The following GTF2E2 variants were observed in gnomAD, a reference collection of about 807,000 sequenced individuals.
GTF2E2 encodes transcription initiation factor IIE subunit beta.
In GTF2E2, 21 loss-of-function variants were observed where a neutral mutation model predicts 40.5. The observed-to-expected ratio is 0.52, with a 90% confidence interval of 0.37 to 0.75. The LOEUF is 0.75. GTF2E2 is among the 30% of genes least tolerant of loss of function. The pLI, the probability that GTF2E2 is intolerant of heterozygous loss-of-function variation, is 0.00. For missense variants in GTF2E2, 298 were observed against 338.4 expected, an observed-to-expected ratio of 0.88 and a Z score of 0.94; for synonymous variants, 117 against 121.6, an observed-to-expected ratio of 0.96 and a Z score of 0.25.
At chr8:30,625,607 CTGT>C (rs1180136687) in intron 3 of GTF2E2, among the ~76,000 whole-genome samples, 1 of 151,970 alleles carries the variant, frequency 6.6e-6, no homozygotes, top group Non-Finnish European at 1.5e-5. Context: ...AGGGCACTGT[CTGT>C]TGTTTTTTGT....
chr8:30,635,150 G>T, intron 2 of GTF2E2, 27 bp from the exon 3 acceptor site: 1 of 1,206,504 alleles, frequency 8.3e-7, no homozygotes, highest in Non-Finnish European at 1.2e-6. Context: ...AAATAACATC[G>T]TCATATTATG....
intron 6 of GTF2E2, among the ~76,000 whole-genome samples, chr8:30,601,453 G>T (rs1159719702): frequency 6.6e-6 from 1 of 152,128 alleles, no homozygotes; most frequent in African/African-American, 2.4e-5. Context: ...AGTTTTGGTT[G>T]TCACACTGCA....
chr8:30,588,252 TGAG>T (rs1410474383), intron 6 of GTF2E2, among the ~76,000 whole-genome samples: 1 of 152,218 alleles, frequency 6.6e-6, no homozygotes, highest in Non-Finnish European at 1.5e-5. Flanking sequence ...CTTAGTATGT[TGAG>T]GAGATGCTTG....
chr8:30,634,874 G>T (rs1801539082), intron 3 of GTF2E2, among the ~76,000 whole-genome samples, 158 bp downstream of exon 3: 1 of 152,128 alleles, frequency 6.6e-6, no homozygotes, highest in African/African-American at 2.4e-5. Context: ...AATGTAAAAG[G>T]CTTGAGGTAT....
intron 3 of GTF2E2, among the ~76,000 whole-genome samples, chr8:30,631,320 A>C (rs1407342536): frequency 6.6e-6 from 1 of 152,170 alleles, no homozygotes; most frequent in Non-Finnish European, 1.5e-5. Flanking sequence ...CTGGGCCGAG[A>C]ATTTAAATAT....
chr8:30,613,158 T>G (rs538676981), intron 4 of GTF2E2, among the ~76,000 whole-genome samples: 6 of 152,344 alleles, frequency 3.9e-5, no homozygotes, highest in Admixed American at 6.5e-5. Flanking sequence ...CAAAGTGAAC[T>G]GAGTAGTGCC....
chr8:30,640,511 T>G (rs150167714), intron 2 of GTF2E2, among the ~76,000 whole-genome samples: 1 of 152,298 alleles, frequency 6.6e-6, no homozygotes, highest in African/African-American at 2.4e-5. Context: ...GTGATTTACT[T>G]TAAAGCTCCC....
intron 3 of GTF2E2, among the ~76,000 whole-genome samples, chr8:30,625,790 G>A (rs993727892): frequency 3.3e-5 from 5 of 152,088 alleles, no homozygotes; most frequent in African/African-American, 9.7e-5. Flanking sequence ...TTAGAGACGG[G>A]GTTTTGCCAT....
chr8:30,651,490 C>G (rs1353226009), intron 2 of GTF2E2, among the ~76,000 whole-genome samples: 3 of 151,958 alleles, frequency 2.0e-5, no homozygotes, highest in Non-Finnish European at 4.4e-5. Flanking sequence ...TGTAATGACT[C>G]ACACCTATAA....
chr8:30,610,312 G>A (rs1248967609), intron 5 of GTF2E2, among the ~76,000 whole-genome samples: 1 of 151,868 alleles, frequency 6.6e-6, no homozygotes, highest in East Asian at 1.9e-4. Context: ...TGGGTGTGGT[G>A]GTGTGTGCCT....
chr8:30,618,319 G>C (rs1363329280), intron 3 of GTF2E2, among the ~76,000 whole-genome samples: 1 of 151,986 alleles, frequency 6.6e-6, no homozygotes, highest in Non-Finnish European at 1.5e-5. Context: ...TACTAATAGT[G>C]AATATGTGGA....
intron 6 of GTF2E2, among the ~76,000 whole-genome samples, chr8:30,590,694 CTTTT>C (rs879811892): frequency 4.1e-5 from 6 of 145,790 alleles, no homozygotes; most frequent in Admixed American, 6.9e-5. Flanking sequence ...AAATCAAAAA[CTTTT>C]TTTTTTTTTT....
chr8:30,597,457 C>G (rs946427229), intron 6 of GTF2E2: 1 of 152,158 alleles, frequency 6.6e-6, no homozygotes, highest in African/African-American at 2.4e-5. Context: ...ATACAAACTC[C>G]CCCTGTGTCT....
intron 1 of GTF2E2, 114 bp downstream of exon 1, chr8:30,657,859 C>G (rs1286089285): frequency 6.6e-6 from 1 of 152,278 alleles, no homozygotes; most frequent in African/African-American, 2.4e-5. Context: ...GCGGTCCCAG[C>G]TTCCCGTGAG....
intron 3 of GTF2E2, among the ~76,000 whole-genome samples, chr8:30,625,425 G>A (rs1447720475): frequency 6.6e-6 from 1 of 152,000 alleles, no homozygotes; most frequent in Non-Finnish European, 1.5e-5. Flanking sequence ...AAACTCTAAG[G>A]TTCCACAAGA....
At position 30,588,580 on chromosome 8, in the gene GTF2E2, G is replaced by A. The variant is rs139523073; in HGVS notation, c.644-8184C>T. 2.8e-3 allele frequency among the ~76,000 whole-genome samples: 432 copies of A among 152,320 alleles called. 3 individuals are homozygous for A. Among genetic ancestry groups the A allele is most frequent in the African/African-American group, 9.7e-3 (403 of 41,578 alleles). On this transcript the variant is annotated intron_variant, in intron 6 of 7. Coordinates refer to ENST00000355904, the MANE Select transcript of GTF2E2 (RefSeq NM_002095.6). Reference sequence around the variant, plus strand: ...CTAGAGGCTAGGAGAAGGGGAATGAGGAGGTGTTGGTCCAAAGAAAAAGGA... The same window carrying A: ...CTAGAGGCTAGGAGAAGGGGAATGAAGAGGTGTTGGTCCAAAGAAAAAGGA...
chr8:30,615,350 C>T (rs1018425989), intron 3 of GTF2E2, among the ~76,000 whole-genome samples: 1 of 152,160 alleles, frequency 6.6e-6, no homozygotes, highest in South Asian at 2.1e-4. Context: ...TGACCTTAAA[C>T]ATAGGAAAAG....
rs1003315934 is a variant in GTF2E2 at position 30,619,433 on chromosome 8, C to T, written c.259-4718G>A. Reference sequence around the variant, plus strand: ...GACGGAGTTTCGCTCTTGGTGCCCACGCTGGAGTGCAATGGCATGATCTCG... The same window carrying T: ...GACGGAGTTTCGCTCTTGGTGCCCATGCTGGAGTGCAATGGCATGATCTCG... On this transcript the variant is annotated intron_variant, in intron 3 of 7. Coordinates refer to ENST00000355904, the MANE Select transcript of GTF2E2 (RefSeq NM_002095.6). Among the ~76,000 whole-genome samples, 6 of 150,272 alleles carry T rather than the reference C, an allele frequency of 4.0e-5. No individual in the cohort carries two copies. The South Asian group carries it at 6.3e-4, about 16-fold the overall frequency.
intron 3 of GTF2E2, among the ~76,000 whole-genome samples, chr8:30,631,232 C>A (rs773574099): frequency 2.0e-5 from 3 of 152,082 alleles, no homozygotes; most frequent in Non-Finnish European, 4.4e-5. Context: ...ACCATGTTGG[C>A]CAGGCTGGTC....
Sources: allele counts gnomAD v4.1 joint callset (sites outside exome capture counted in the v4.1 genomes callset), GRCh38; gene constraint gnomAD v4.1.1; transcripts MANE v1.5; gene names NCBI Gene and HGNC (gene_info 2026-07-23, HGNC 2026-07-21).